Variants in CBFA2T3 observed in about 807,000 individuals in gnomAD.
The protein encoded by CBFA2T3 is transcriptional corepressor CBFA2T3.
Under a neutral mutation model 58.6 loss-of-function variants are expected in CBFA2T3, and 31 were observed. The ratio of observed to expected loss-of-function variants is 0.53; its 90% CI spans 0.40 to 0.71. CBFA2T3 has a LOEUF of 0.71. CBFA2T3 is among the 30% of genes least tolerant of loss of function. The pLI is 0.00. For synonymous variants in CBFA2T3, 531 were observed against 421.9 expected, an observed-to-expected ratio of 1.26 and a Z score of -3.17; for missense variants, 1,076 against 963.1, an observed-to-expected ratio of 1.12 and a Z score of -1.55.
chr16:88,914,421 C>T (rs913765486), intron 1 of CBFA2T3, among the ~76,000 whole-genome samples: 10 of 152,200 alleles, frequency 6.6e-5, no homozygotes, highest in Admixed American at 2.0e-4. Context: ...AATGATGTCA[C>T]GGGACGCTCT....
chr16:88,891,305 A>T (rs908641416), intron 5 of CBFA2T3, among the ~76,000 whole-genome samples: 5 of 151,502 alleles, frequency 3.3e-5, no homozygotes, highest in African/African-American at 1.2e-4. Context: ...TGTCTGGAAA[A>T]CCCTGCGCTG....
chr16:88,898,536 C>T (rs1435918281), intron 2 of CBFA2T3, among the ~76,000 whole-genome samples: 3 of 152,194 alleles, frequency 2.0e-5, no homozygotes, highest in Non-Finnish European at 2.9e-5. Context: ...TTACAAGAAC[C>T]GCGGCTTCTC....
At chr16:88,970,330 G>A (rs1252399231) in intron 1 of CBFA2T3, among the ~76,000 whole-genome samples, 1 of 152,210 alleles carries the variant, frequency 6.6e-6, no homozygotes, top group African/African-American at 2.4e-5. Context: ...CGGAGAGGTG[G>A]GTTCGGAGGG....
intron 1 of CBFA2T3, among the ~76,000 whole-genome samples, chr16:88,961,457 A>T (rs1363020970): frequency 6.6e-6 from 1 of 151,176 alleles, no homozygotes; most frequent in Admixed American, 6.6e-5. Flanking sequence ...CTGCATAGTA[A>T]CCGACAGTCA....
At chr16:88,903,683 G>A (rs1485807278) in intron 1 of CBFA2T3, among the ~76,000 whole-genome samples, 1 of 111,436 alleles carries the variant, frequency 9.0e-6, no homozygotes, top group African/African-American at 3.6e-5. Context: ...TTCCTGGGGG[G>A]GCATTCCTGG....
Position 88,953,925 on chromosome 16 carries a change from G to T in CBFA2T3, c.151+22732C>A, listed in dbSNP as rs962947558. Among the ~76,000 whole-genome samples the T allele has an allele frequency of 1.3e-5, 2 of 152,106 alleles. No individual in the cohort carries two copies. Among genetic ancestry groups the T allele is most frequent in the Non-Finnish European group, 2.9e-5 (2 of 68,004 alleles). ...GACAGAGATGCCCACAGAGCAGGTG[G>T]GCTGTGCTCCTGCCCTGGGCAAATG... is the stretch of plus-strand genomic sequence containing the variant. On this transcript the variant is annotated intron_variant, in intron 1 of 11. Coordinates refer to ENST00000268679, the MANE Select transcript of CBFA2T3 (RefSeq NM_005187.6). The surrounding 1 kb of genome is among the most constrained non-coding windows in gnomAD (Gnocchi z 4.9).
intron 1 of CBFA2T3, among the ~76,000 whole-genome samples, chr16:88,962,172 C>T (rs976733407): frequency 2.4e-4 from 36 of 151,040 alleles, no homozygotes; most frequent in African/African-American, 7.9e-4. Context: ...CGACACTCAG[C>T]GCTGGGCATT....
intron 1 of CBFA2T3, among the ~76,000 whole-genome samples, chr16:88,912,037 C>G (rs543019246): frequency 4.8e-4 from 73 of 152,374 alleles, no homozygotes; most frequent in African/African-American, 1.6e-3. Flanking sequence ...CACAGAAGTG[C>G]TGCTGAACCG....
chr16:88,908,466 G>A (rs1033835423), intron 1 of CBFA2T3, among the ~76,000 whole-genome samples: 1 of 152,168 alleles, frequency 6.6e-6, no homozygotes, highest in East Asian at 1.9e-4. Flanking sequence ...TGTCACTAAC[G>A]GGCCGGGAGA....
At chr16:88,947,366 T>A (rs1971930116) in intron 1 of CBFA2T3, among the ~76,000 whole-genome samples, 1 of 152,250 alleles carries the variant, frequency 6.6e-6, no homozygotes, top group African/African-American at 2.4e-5. Flanking sequence ...AGCGCCTGAA[T>A]CTCTACATGG....
At chr16:88,915,587 G>C (rs1017751220) in intron 1 of CBFA2T3, among the ~76,000 whole-genome samples, 13 of 21,312 alleles carry the variant, frequency 6.1e-4, no homozygotes, top group East Asian at 1.5e-3. Flanking sequence ...GTGGACGGGG[G>C]GAGCGTGGAG....
At chr16:88,891,557 G>A (rs75792717) in intron 5 of CBFA2T3, among the ~76,000 whole-genome samples, 1,798 of 152,294 alleles carry the variant, frequency 0.012, 33 homozygotes, top group African/African-American at 0.038. Context: ...TGGAGTGAGC[G>A]AGCACATTCG....
chr16:88,921,096 G>A (rs185258096), intron 1 of CBFA2T3, among the ~76,000 whole-genome samples: 4 of 152,346 alleles, frequency 2.6e-5, no homozygotes, highest in Admixed American at 2.6e-4. Context: ...AGGCCTGCCC[G>A]GCTCTCACAG....
intron 1 of CBFA2T3, among the ~76,000 whole-genome samples, chr16:88,971,857 G>A (rs116126905): frequency 0.024 from 3,680 of 152,298 alleles, 157 homozygotes; most frequent in African/African-American, 0.084. Flanking sequence ...CGCCTCCCCG[G>A]TCAACTGCAG....
In CBFA2T3 at chr16:88,934,976, G is replaced by A. The variant is rs559620529; in HGVS notation, c.152-33320C>T. On this transcript the variant is annotated intron_variant, in intron 1 of 11. Transcript: ENST00000268679. ...AGGATGGTCTCGATCTCCTGACCTC[G>A]TGATCCACCCGCCTTGGCCTCCCAA... 6.0e-4 allele frequency among the ~76,000 whole-genome samples: 91 copies of A among 152,274 alleles called. 1 individual carries two copies. In the East Asian group the frequency reaches 0.011, roughly 18 times the overall value.
chr16:88,975,976 C>T (rs957094341), intron 1 of CBFA2T3, among the ~76,000 whole-genome samples: 2 of 152,242 alleles, frequency 1.3e-5, no homozygotes, highest in African/African-American at 4.8e-5. Context: ...CACTGGGAAT[C>T]GGGGCCACCA....
intron 1 of CBFA2T3, among the ~76,000 whole-genome samples, chr16:88,952,224 T>A (rs1207241624): frequency 6.6e-6 from 1 of 152,284 alleles, no homozygotes; most frequent in Admixed American, 6.5e-5. Flanking sequence ...ACCGCATGCA[T>A]CCCGGCACTG....
chr16:88,959,660 T>A (rs891770235), intron 1 of CBFA2T3, among the ~76,000 whole-genome samples: 1 of 152,108 alleles, frequency 6.6e-6, no homozygotes, highest in African/African-American at 2.4e-5. Flanking sequence ...TCCTCCTTCC[T>A]CCCAGCAGCT....
chr16:88,925,412 T>C (rs1597735080), intron 1 of CBFA2T3, among the ~76,000 whole-genome samples: 1 of 151,896 alleles, frequency 6.6e-6, no homozygotes. Context: ...GGCCAGGGGG[T>C]GGTGCTGCTG....
Sources: allele counts gnomAD v4.1 joint callset (sites outside exome capture counted in the v4.1 genomes callset), GRCh38; gene constraint gnomAD v4.1.1; non-coding constraint Gnocchi (gnomAD v3.1); transcripts MANE v1.5; gene names NCBI Gene and HGNC (gene_info 2026-07-23, HGNC 2026-07-21).